Variants in SI observed in about 807,000 individuals in gnomAD.
SI encodes sucrase-isomaltase, intestinal.
A neutral mutation model predicts 253.3 loss-of-function variants in SI; 235 were observed. The ratio of observed to expected loss-of-function variants is 0.93; its 90% CI spans 0.83 to 1.03. The LOEUF (loss-of-function observed/expected upper bound fraction) is 1.03, where lower values mean the gene tolerates loss of function less well. Ranked by LOEUF, SI falls within the 50% of genes least tolerant of loss-of-function variation. SI has a pLI of 0.00. For missense variants in SI, 2,442 were observed against 2,211.1 expected, an observed-to-expected ratio of 1.10 and a Z score of -2.09; for synonymous variants, 819 against 712.0, an observed-to-expected ratio of 1.15 and a Z score of -2.39.
At chr3:165,015,643 A>C (rs1009858370) in intron 32 of SI, among the ~76,000 whole-genome samples, 1 of 152,112 alleles carries the variant, frequency 6.6e-6, no homozygotes, top group African/African-American at 2.4e-5. Flanking sequence ...ATAAAAATAG[A>C]AAATCTACCA....
intron 33 of SI, among the ~76,000 whole-genome samples, chr3:165,014,311 C>A (rs553937310): frequency 2.6e-5 from 4 of 151,904 alleles, no homozygotes; most frequent in Non-Finnish European, 4.4e-5. Context: ...TTCAGTGGCT[C>A]GATCTTGGCT....
In SI at chr3:164,979,020, A is replaced by G. The variant is rs557895956; in HGVS notation, c.*342T>C. On this transcript the variant is annotated 3_prime_UTR_variant, in exon 48 of 48. Transcript: ENST00000264382. Reference sequence around the variant, plus strand: ...AAACATTGAGAAAAATATAGTATATATAATTACATAAAAATTTTATTTAAT... The same window carrying G: ...AAACATTGAGAAAAATATAGTATATGTAATTACATAAAAATTTTATTTAAT... The G allele has an allele frequency of 1.2e-5, 2 of 166,968 alleles. No individual in the cohort carries two copies. Among genetic ancestry groups the G allele is most frequent in the Non-Finnish European group, 2.6e-5 (2 of 77,416 alleles). The allele number at this position is 166,968 out of a possible 1,614,324, so 10.3% of individuals were successfully genotyped here.
chr3:164,997,298 AATTT>A (rs905416229), intron 38 of SI, among the ~76,000 whole-genome samples: 5 of 151,686 alleles, frequency 3.3e-5, no homozygotes, highest in Admixed American at 6.6e-5. Flanking sequence ...GTTTTCCTTG[AATTT>A]ATTTATCAAT....
rs1444651507 is a variant in SI at position 165,006,918 on chromosome 3, G to T, written c.4304C>A (p.Thr1435Lys). The change falls in exon 37 of 48, where the codon ACA (threonine) becomes AAA (lysine). Residue 1435 changes from threonine (T) to lysine (K), a missense_variant. By Grantham distance (78) the Thr-to-Lys change is moderately conservative. Transcript: ENST00000264382. ...TKRTDGLHFR[T>K]ICMEAEQILS... ...AATCTGCTCAGCTTCCATGCAAATT[G>T]TTCTGAAATGTAATCCATCAGTTCT... The T allele has an allele frequency of 3.1e-6, 5 of 1,611,528 alleles. No homozygotes were observed. The highest frequency in any genetic ancestry group is 1.1e-5 in the South Asian group (1 of 91,004).
chr3:165,049,864 T>A lies in SI; in HGVS notation c.1524A>T (p.Glu508Asp). The A allele has an allele frequency of 6.3e-7, 1 of 1,599,370 alleles. No homozygotes were observed. The highest frequency in any genetic ancestry group is 2.2e-5 in the East Asian group (1 of 44,520). Reference sequence around the variant, plus strand: ...TTGAACCTTGAATAAAGCTGGAAACTTCATTCATGTCCTGAATGGATACAA... The same window carrying A: ...TTGAACCTTGAATAAAGCTGGAAACATCATTCATGTCCTGAATGGATACAA... ...QYDGLWIDMNEVSSFIQGSTK... is the reference protein window; with the variant it reads ...QYDGLWIDMNDVSSFIQGSTK... The change falls in exon 14 of 48, where the codon GAA becomes GAT. Residue 508 changes from glutamate (E) to aspartate (D), a missense_variant. Coordinates refer to ENST00000264382, the MANE Select transcript of SI (RefSeq NM_001041.4).
Position 164,998,737 on chromosome 3 carries a change from T to TA in SI, c.4407-65dup, listed in dbSNP as rs1326962055. 4.5e-6 allele frequency: 6 copies of TA among 1,330,604 alleles called. No homozygotes were observed. In the East Asian group the frequency reaches 1.4e-4, roughly 31 times the overall value. 82.4% of individuals were successfully genotyped at this position (1,330,604 alleles called of 1,614,324 possible). The stretch of plus-strand genomic sequence containing the variant: ...GATATTTTCTCCAAATATATCTACT[T>TA]ACGACTACTTTGTAAAAAAAAATAG... On this transcript the variant is annotated intron_variant, in intron 37 of 47. Coordinates refer to ENST00000264382, the MANE Select transcript of SI (RefSeq NM_001041.4).
Position 165,016,065 on chromosome 3 carries a change from C to T in SI, c.3775G>A (p.Asp1259Asn). ...AGCTGCCTTTCCATGTAGTCAATGT[C>T]TGTGTACTGAACATCCTGAAATATC... Reference protein sequence around the residue: ...ANIPYDVQYTDIDYMERQLDF... With the variant: ...ANIPYDVQYTNIDYMERQLDF... Residue 1259 changes from aspartate (D) to asparagine (N), a missense_variant, in exon 32 of 48, where the codon GAC (aspartate) becomes AAC (asparagine). By Grantham distance (23) the Asp-to-Asn change is conservative (BLOSUM62 1). Transcript: ENST00000264382. The T allele has an allele frequency of 6.2e-7, 1 of 1,612,864 alleles. No individual in the cohort carries two copies. The highest frequency in any genetic ancestry group is 8.5e-7 in the Non-Finnish European group (1 of 1,179,172).
intron 10 of SI, among the ~76,000 whole-genome samples, chr3:165,059,643 T>C (rs1713890120): frequency 6.6e-6 from 1 of 151,992 alleles, no homozygotes; most frequent in Non-Finnish European, 1.5e-5. Context: ...TTTTAAAAAC[T>C]AAATATGATT....
intron 38 of SI, among the ~76,000 whole-genome samples, chr3:164,997,996 G>T (rs1718094092): frequency 6.6e-6 from 1 of 151,622 alleles, no homozygotes; most frequent in African/African-American, 2.4e-5. Flanking sequence ...GAACCTTCTT[G>T]TGCATGTCTT....
chr3:165,075,299 T>C (rs1714881476), intron 2 of SI, among the ~76,000 whole-genome samples: 1 of 152,018 alleles, frequency 6.6e-6, no homozygotes, highest in Non-Finnish European at 1.5e-5. Context: ...TAGAAGATAA[T>C]GTGTAACATC....
chr3:164,983,949 ACTTGTT>A (rs1478842715), intron 45 of SI, among the ~76,000 whole-genome samples: 2 of 152,008 alleles, frequency 1.3e-5, no homozygotes, highest in Admixed American at 6.6e-5. Flanking sequence ...TACAGGTAAA[ACTTGTT>A]TAGTGCTGAC....
At position 165,019,609 on chromosome 3, in the gene SI, G is replaced by A. The variant is rs763763917; in HGVS notation, c.3416C>T (p.Pro1139Leu). ...TCATATGTTGGTACCTACACCAGGG[G>A]GTTGGTCTCTTGTGAACATTCCCCA... Reference protein sequence around the residue: ...NTWGMFTRDQPPGYKLNSYGF... With the variant: ...NTWGMFTRDQLPGYKLNSYGF... Residue 1139 changes from proline to leucine, a missense_variant, in exon 28 of 48, where the codon CCC (proline) becomes CTC (leucine). By Grantham distance (98) the Pro-to-Leu change is moderately conservative. Transcript: ENST00000264382. The A allele has an allele frequency of 1.9e-6, 3 of 1,612,010 alleles. No individual in the cohort carries two copies. Among genetic ancestry groups the A allele is most frequent in the South Asian group, 1.1e-5 (1 of 91,068 alleles).
chr3:165,004,063 A>G (rs1408056985), intron 37 of SI, among the ~76,000 whole-genome samples: 1 of 152,176 alleles, frequency 6.6e-6, no homozygotes, highest in Admixed American at 6.6e-5. Flanking sequence ...CAAGGGATTA[A>G]TGACCAGAAT....
intron 22 of SI, among the ~76,000 whole-genome samples, chr3:165,033,844 T>G: frequency 6.6e-6 from 1 of 151,732 alleles, no homozygotes; most frequent in East Asian, 1.9e-4. Flanking sequence ...TTTTGCATCT[T>G]TTTATTTTTT....
At chr3:165,033,368 A>T (rs1323685661) in intron 23 of SI, 27 bp downstream of exon 23, 1 of 1,534,152 alleles carries the variant, frequency 6.5e-7, no homozygotes, top group South Asian at 1.3e-5. Flanking sequence ...TTATGCATTT[A>T]AGTATATGTA....
At chr3:165,001,758 A>C (rs184036208) in intron 37 of SI, among the ~76,000 whole-genome samples, 1 of 151,504 alleles carries the variant, frequency 6.6e-6, no homozygotes, top group East Asian at 1.9e-4. Context: ...TAAATTAGTG[A>C]ATGAGGTGAG....
chr3:165,066,925 A>G (rs762931544), intron 6 of SI, among the ~76,000 whole-genome samples: 10 of 151,910 alleles, frequency 6.6e-5, no homozygotes, highest in African/African-American at 9.7e-5. Flanking sequence ...TTCATTCTAT[A>G]TTGGATTCTA....
At chr3:165,006,767 G>T in intron 37 of SI, 49 bp downstream of exon 37, 2 of 1,533,852 alleles carry the variant, frequency 1.3e-6, no homozygotes, top group South Asian at 1.1e-5. Flanking sequence ...TTAAATGTAA[G>T]AACCAAAGAA....
chr3:165,060,158 C>A (rs974208305), intron 9 of SI, 131 bp from the exon 10 acceptor site: 5 of 777,458 alleles, frequency 6.4e-6, no homozygotes, highest in African/African-American at 3.5e-5. Context: ...TTAAACAAAC[C>A]TTTAGTGTTA....
Sources: allele counts gnomAD v4.1 joint callset (sites outside exome capture counted in the v4.1 genomes callset), GRCh38; gene constraint gnomAD v4.1.1; transcripts MANE v1.5; gene names NCBI Gene and HGNC (gene_info 2026-07-23, HGNC 2026-07-21).